TONSL: variants seen among roughly 807,000 people sequenced by gnomAD.
The protein encoded by TONSL is tonsoku-like protein.
TONSL carries 112 observed loss-of-function variants against 147.1 expected under a neutral mutation model. That is an observed-to-expected ratio of 0.76 (90% CI 0.65 to 0.89). The LOEUF (loss-of-function observed/expected upper bound fraction) is 0.89, where lower values mean the gene tolerates loss of function less well. Ranked by LOEUF, TONSL falls within the 40% of genes least tolerant of loss-of-function variation. TONSL has a pLI of 0.00. For synonymous variants in TONSL, 868 were observed against 801.5 expected, an observed-to-expected ratio of 1.08 and a Z score of -1.40; for missense variants, 1,883 against 1,864.6, an observed-to-expected ratio of 1.01 and a Z score of -0.18.
rs1318791648 is a variant in TONSL, at chr8:144,440,784, C to A, written c.1098G>T (p.Lys366Asn). Residue 366 changes from lysine (K) to asparagine (N), a missense_variant, in exon 9 of 26, where the codon AAG (lysine) becomes AAT (asparagine). Transcript: ENST00000409379. ...AGTGGCGCACGGCCCCATGGTGGTC[C>A]TTCATGTCTCCCAGTGTGGTGGCCA... Reference protein sequence around the residue: ...VSLATTLGDMKDHHGAVRHYE... With the variant: ...VSLATTLGDMNDHHGAVRHYE... 5 of 1,612,828 alleles carry A rather than the reference C, an allele frequency of 3.1e-6. No homozygotes were observed. The South Asian group carries it at 3.3e-5, about 11-fold the overall frequency.
intron 3 of TONSL, among the ~76,000 whole-genome samples, chr8:144,443,541 GA>G (rs1823797440): frequency 6.6e-6 from 1 of 151,254 alleles, no homozygotes; most frequent in South Asian, 2.1e-4. Context: ...GTCACGTGGG[GA>G]GGGGCAGCTG....
At chr8:144,434,968 G>A in intron 19 of TONSL, 49 bp downstream of exon 19, 1 of 1,611,284 alleles carries the variant, frequency 6.2e-7, no homozygotes, top group African/African-American at 1.3e-5. Flanking sequence ...AGCCACCCGG[G>A]GGCTCCCGGT....
At position 144,436,652 on chromosome 8, in the gene TONSL, C is replaced by A. The variant is rs914266629; in HGVS notation, c.1920G>T (p.Gln640His). 1.2e-6 allele frequency: 2 copies of A among 1,612,338 alleles called. No individual in the cohort carries two copies. Among genetic ancestry groups the A allele is most frequent in the Non-Finnish European group, 1.7e-6 (2 of 1,179,956 alleles). The change falls in exon 16 of 26, where the codon CAG (glutamine) becomes CAT (histidine). Residue 640 changes from glutamine (Q) to histidine (H), a missense_variant. Transcript: ENST00000409379. ...GGTCCCTGCGGTACAGCTTCACCCA[C>A]TGCTGCAGCGTCTCCAGCGGGCTGA... ...KGLSPLETLQ[Q>H]WVKLYRRDLD...
Position 144,432,281 on chromosome 8 carries a change from G to A in TONSL, c.3735+4C>T, listed in dbSNP as rs974490798. On this transcript the variant is annotated splice_donor_region_variant and intron_variant, in intron 23 of 25. Transcript: ENST00000409379. ...TATTTTCTGGGTTCTTCCCCACCTC[G>A]TACCTTGGCCAGGTATCGGAATACA... 5.6e-6 allele frequency: 9 copies of A among 1,613,178 alleles called. No individual in the cohort carries two copies. The highest frequency in any genetic ancestry group is 2.2e-5 in the East Asian group (1 of 44,858).
chr8:144,429,452 G>A (rs1823079615), intron 25 of TONSL, 116 bp from the exon 26 acceptor site: 10 of 977,830 alleles, frequency 1.0e-5, no homozygotes, highest in African/African-American at 1.7e-5. Context: ...GCTGTAGCGA[G>A]GGGCAGTGGG....
rs779830963 is a variant in TONSL at position 144,440,865 on chromosome 8, A to G, written c.1017T>C (p.Arg339=). The G allele has an allele frequency of 7.4e-6, 12 of 1,612,580 alleles. No individual in the cohort carries two copies. In the Admixed American group the frequency reaches 2.0e-4, roughly 27 times the overall value. The change falls in exon 9 of 26, where the codon CGT becomes CGC. Residue 339 remains arginine, a synonymous_variant. Coordinates refer to ENST00000409379, the MANE Select transcript of TONSL (RefSeq NM_013432.5). ...RAAEAYQKQL[R]FAELLDRPGA... is the part of the protein sequence containing the mutation. Reference sequence around the variant, plus strand: ...CCGGTCTGTCCAGCAGCTCAGCAAAACGCAGCTGGGGGCAGTGCCAGTGAG... The same window carrying G: ...CCGGTCTGTCCAGCAGCTCAGCAAAGCGCAGCTGGGGGCAGTGCCAGTGAG...
chr8:144,433,783 T>C, intron 21 of TONSL, 24 bp from the exon 22 acceptor site: 1 of 1,545,096 alleles, frequency 6.5e-7, no homozygotes, highest in Non-Finnish European at 8.7e-7. Context: ...AGGCTGGCAG[T>C]GAGCCCCCAG....
chr8:144,440,692 A>G (rs756322223), intron 9 of TONSL, 26 bp downstream of exon 9: 12 of 1,603,628 alleles, frequency 7.5e-6, no homozygotes, highest in Middle Eastern at 1.7e-4. Flanking sequence ...GTGAACCTGC[A>G]TTCGGGCGGG....
rs571890844 is a variant in TONSL at position 144,443,105 on chromosome 8, CA to C, written c.448+32del. On this transcript the variant is annotated intron_variant, in intron 4 of 25. Coordinates refer to ENST00000409379, the MANE Select transcript of TONSL (RefSeq NM_013432.5). ...GCTGCAGCCTCTTCGGCCCGAAGTTCAGGAGGCAGAAAACGCGGAGGGGTCT... is the reference window on the plus strand; with the variant it reads ...GCTGCAGCCTCTTCGGCCCGAAGTTCGGAGGCAGAAAACGCGGAGGGGTCT... 5.4e-4 allele frequency: 832 copies of C among 1,540,528 alleles called. 4 individuals carry two copies. The African/African-American group carries it at 1.0e-2, about 18-fold the overall frequency.
Position 144,429,070 on chromosome 8 carries a change from T to G in TONSL, c.*73A>C. The G allele has an allele frequency of 7.0e-7, 1 of 1,435,204 alleles. No homozygotes were observed. The highest frequency in any genetic ancestry group is 9.1e-7 in the Non-Finnish European group (1 of 1,093,984). 88.9% of individuals were successfully genotyped at this position (1,435,204 alleles called of 1,614,324 possible). The stretch of plus-strand genomic sequence containing the variant: ...TCCCAAAGTGTTGGGATTACAGGCG[T>G]GAGCCACCGCGCCCGGCCAGCAGCT... On this transcript the variant is annotated 3_prime_UTR_variant, in exon 26 of 26. Transcript: ENST00000409379.
rs566194599 is a variant in TONSL, at chr8:144,442,522, G to C, written c.579-110C>G. 4.7e-6 allele frequency: 7 copies of C among 1,481,186 alleles called. No individual in the cohort carries two copies. The African/African-American group carries it at 8.4e-5, about 18-fold the overall frequency. The allele number at this position is 1,481,186 out of a possible 1,614,324, so 91.8% of individuals were successfully genotyped here. A position where few individuals can be genotyped will look rare whatever the true frequency, so the allele number is the denominator to read the frequency against. On this transcript the variant is annotated intron_variant, in intron 5 of 25. Coordinates refer to ENST00000409379, the MANE Select transcript of TONSL (RefSeq NM_013432.5). ...TGGTCTCAGGGCCCTAACCATGCCT[G>C]GCCTTCTCCCAGTGTGTGGCACAGG...
chr8:144,431,479 C>A (rs1823188866), intron 23 of TONSL, among the ~76,000 whole-genome samples: 1 of 152,118 alleles, frequency 6.6e-6, no homozygotes, highest in Admixed American at 6.5e-5. Flanking sequence ...CTGAGACAGG[C>A]AGCTGTACAA....
intron 4 of TONSL, 68 bp from the exon 5 acceptor site, chr8:144,442,874 T>C: frequency 1.3e-6 from 2 of 1,547,132 alleles, no homozygotes; most frequent in South Asian, 1.2e-5. Flanking sequence ...TTGGGCCCCA[T>C]TTGGGGCCTG....
In TONSL at chr8:144,442,391, G is replaced by A. The variant is rs1564734449; in HGVS notation, c.600C>T (p.Asp200=). The A allele has an allele frequency of 6.4e-7, 1 of 1,561,494 alleles. No homozygotes were observed. The highest frequency in any genetic ancestry group is 8.7e-7 in the Non-Finnish European group (1 of 1,150,696). ...FLAEQNHLYE[D]LFRARYNLGT... The stretch of plus-strand genomic sequence containing the variant: ...CCAGGTTGTAGCGGGCGCGGAATAG[G>A]TCCTCGTAAAGGTGGTTCTGCCTGC... Residue 200 remains aspartate, a synonymous_variant, in exon 6 of 26, where the codon GAC becomes GAT. Coordinates refer to ENST00000409379, the MANE Select transcript of TONSL (RefSeq NM_013432.5).
Position 144,444,434 on chromosome 8 carries a change from C to G in TONSL, c.-20G>C. On this transcript the variant is annotated 5_prime_UTR_variant, in exon 1 of 26. Coordinates refer to ENST00000409379, the MANE Select transcript of TONSL (RefSeq NM_013432.5). ...GCTCATGCTCGGATCGCCGCGGGAT[C>G]CGGACTTCCCGCGCTGCGCCGCGGC... is the stretch of plus-strand genomic sequence containing the variant. 8.1e-7 allele frequency: 1 copy of G among 1,228,774 alleles called. No homozygotes were observed. The highest frequency in any genetic ancestry group is 4.0e-5 in the South Asian group (1 of 24,888). 76.1% of individuals were successfully genotyped at this position (1,228,774 alleles called of 1,614,324 possible). A position where few individuals can be genotyped will look rare whatever the true frequency, so the allele number is the denominator to read the frequency against.
chr8:144,430,630 G>A, intron 24 of TONSL, 93 bp from the exon 25 acceptor site: 1 of 1,459,112 alleles, frequency 6.9e-7, no homozygotes, highest in Non-Finnish European at 9.2e-7. Flanking sequence ...CCAGCTCAGG[G>A]AGCCTCGGGC....
chr8:144,442,821 C>G lies in TONSL; in HGVS notation c.449-15G>C, dbSNP rs377315613. On this transcript the variant is annotated splice_polypyrimidine_tract_variant and intron_variant, in intron 4 of 25. Coordinates refer to ENST00000409379, the MANE Select transcript of TONSL (RefSeq NM_013432.5). ...GGCCAGTGTCCCTGGAAGATACCCC[C>G]CCAAACACTCAGCCACTTCCTCCCC... 16 of 1,605,220 alleles carry G rather than the reference C, an allele frequency of 1.0e-5. No individual in the cohort carries two copies. Among genetic ancestry groups the G allele is most frequent in the East Asian group, 8.9e-5 (4 of 44,760 alleles).
rs1665447002 is a variant in TONSL at position 144,443,147 on chromosome 8, C to G, written c.439G>C (p.Glu147Gln). The G allele has an allele frequency of 1.7e-5, 27 of 1,550,472 alleles. No individual in the cohort carries two copies. The highest frequency in any genetic ancestry group is 2.4e-5 in the Non-Finnish European group (27 of 1,146,874). Reference sequence around the variant, plus strand: ...GGAGGGGTCTGCCCACCCTCCAGCTCCTCATCCACAATAGCCAAGCTCTTC... The same window carrying G: ...GGAGGGGTCTGCCCACCCTCCAGCTGCTCATCCACAATAGCCAAGCTCTTC... The part of the protein sequence containing the change: ...FEKSLAIVDE[E>Q]LEGTLAQGEL... The change falls in exon 4 of 26, where the codon GAG (glutamate) becomes CAG (glutamine). Residue 147 changes from glutamate (E) to glutamine (Q), a missense_variant. Transcript: ENST00000409379.
At chr8:144,429,435 C>T in intron 25 of TONSL, 99 bp from the exon 26 acceptor site, 1 of 1,169,010 alleles carries the variant, frequency 8.6e-7, no homozygotes, top group Non-Finnish European at 1.1e-6. Flanking sequence ...TCGCTGAGGG[C>T]CCCAGGGCTG....
Sources: gnomAD v4.1 joint callset for allele counts (sites outside exome capture counted in the v4.1 genomes callset) on GRCh38, gnomAD v4.1.1 for gene constraint, MANE v1.5 for transcripts, NCBI Gene and HGNC (gene_info 2026-07-23, HGNC 2026-07-21) for gene names.